The following ETV6 variants were observed in gnomAD, a reference collection of about 807,000 sequenced individuals.
ETV6 encodes the protein transcription factor ETV6.
Under a neutral mutation model 51.1 loss-of-function variants are expected in ETV6, and 16 were observed. The observed-to-expected ratio is 0.31, with a 90% confidence interval of 0.21 to 0.48. ETV6 has a LOEUF of 0.48. Among genes scored for constraint, ETV6 ranks in the 20% least tolerant of loss-of-function variants. The pLI, the probability that ETV6 is intolerant of heterozygous loss-of-function variation, is 0.99. For synonymous variants in ETV6, 240 were observed against 224.1 expected, an observed-to-expected ratio of 1.07 and a Z score of -0.64; for missense variants, 458 against 594.8, an observed-to-expected ratio of 0.77 and a Z score of 2.39.
chr12:11,818,140 G>A (rs1458615939), intron 2 of ETV6, among the ~76,000 whole-genome samples: 1 of 152,216 alleles, frequency 6.6e-6, no homozygotes, highest in African/African-American at 2.4e-5. Flanking sequence ...TGGGGGCCAG[G>A]TGATAAGGAA....
intron 1 of ETV6, among the ~76,000 whole-genome samples, chr12:11,728,355 G>A (rs576652726): frequency 6.6e-5 from 10 of 152,358 alleles, no homozygotes; most frequent in Admixed American, 5.9e-4. Flanking sequence ...TAGGAACTGG[G>A]CCGCACAGCA....
chr12:11,819,257 T>G (rs543132249), intron 2 of ETV6, among the ~76,000 whole-genome samples: 1 of 152,162 alleles, frequency 6.6e-6, no homozygotes, highest in Non-Finnish European at 1.5e-5. Flanking sequence ...AGTCCCCAGA[T>G]GCCGAATCCA....
chr12:11,750,110 G>A (rs866607340), intron 1 of ETV6, among the ~76,000 whole-genome samples: 3 of 152,270 alleles, frequency 2.0e-5, no homozygotes, highest in South Asian at 2.1e-4. Flanking sequence ...CGGGGTTTGC[G>A]GGGGATGGCG....
At chr12:11,788,068 C>G (rs779496453) in intron 2 of ETV6, among the ~76,000 whole-genome samples, 2 of 152,144 alleles carry the variant, frequency 1.3e-5, no homozygotes, top group Non-Finnish European at 2.9e-5. Flanking sequence ...GCCTTTCCCT[C>G]CAACAAAGCA....
intron 3 of ETV6, 78 bp from the exon 4 acceptor site, chr12:11,853,349 A>G: frequency 6.4e-7 from 1 of 1,565,868 alleles, no homozygotes; most frequent in Admixed American, 1.7e-5. Flanking sequence ...CGTGCCAGGC[A>G]CTTAGCTGCT....
At chr12:11,778,080 C>T (rs1945358375) in intron 2 of ETV6, among the ~76,000 whole-genome samples, 1 of 152,156 alleles carries the variant, frequency 6.6e-6, no homozygotes, top group South Asian at 2.1e-4. Context: ...TCAGAGCAAG[C>T]CATGTCAAAT....
chr12:11,759,161 CT>C (rs5796461), intron 2 of ETV6, among the ~76,000 whole-genome samples: 3,212 of 148,850 alleles, frequency 0.022, 106 homozygotes, highest in African/African-American at 0.069. Context: ...TTATAGATGT[CT>C]TTTTTTTTTT....
chr12:11,850,579 A>G (rs1379217493), intron 3 of ETV6, among the ~76,000 whole-genome samples: 1 of 152,146 alleles, frequency 6.6e-6, no homozygotes. Flanking sequence ...TGGTAGTAAA[A>G]TCAATGACTA....
At position 11,893,130 on chromosome 12, in the gene ETV6, A is replaced by G. The variant is rs1256235415; in HGVS notation, c.*2084A>G. The stretch of plus-strand genomic sequence containing the variant: ...CATTCAGTAGGACATGGTGATCCCT[A>G]TTTCAGCCTCTAAGATGACTGGTAT... On this transcript the variant is annotated 3_prime_UTR_variant, in exon 8 of 8. Transcript: ENST00000396373. The G allele has an allele frequency of 4.3e-6, 1 of 232,774 alleles. No homozygotes were observed. The highest frequency in any genetic ancestry group is 8.5e-6 in the Non-Finnish European group (1 of 117,824). 14.4% of individuals were successfully genotyped at this position (232,774 alleles called of 1,614,324 possible).
chr12:11,768,127 C>CT (rs111944987), intron 2 of ETV6, among the ~76,000 whole-genome samples: 4,717 of 146,022 alleles, frequency 0.032, 217 homozygotes, highest in African/African-American at 0.1. Flanking sequence ...TAATTTGATT[C>CT]TTTTTTTTTT....
chr12:11,686,134 A>G (rs931044152), intron 1 of ETV6, among the ~76,000 whole-genome samples: 5 of 152,276 alleles, frequency 3.3e-5, no homozygotes, highest in Non-Finnish European at 7.3e-5. Flanking sequence ...AGGCTTTACC[A>G]GTCAGCTACA....
chr12:11,699,023 T>A (rs1864928776), intron 1 of ETV6, among the ~76,000 whole-genome samples: 1 of 152,224 alleles, frequency 6.6e-6, no homozygotes, highest in South Asian at 2.1e-4. Flanking sequence ...TCTGAAGATC[T>A]CTCCATTAGA....
chr12:11,709,837 C>T (rs1363870757), intron 1 of ETV6, among the ~76,000 whole-genome samples: 1 of 152,230 alleles, frequency 6.6e-6, no homozygotes, highest in African/African-American at 2.4e-5. Context: ...TCTGGGTCTC[C>T]AGCCTGCTGG....
In ETV6 at chr12:11,869,263, C is replaced by A. The variant is rs979701713; in HGVS notation, c.464-161C>A. Among the ~76,000 whole-genome samples, 1 of 151,906 alleles carries A rather than the reference C, an allele frequency of 6.6e-6. No homozygotes were observed. The highest frequency in any genetic ancestry group is 1.5e-5 in the Non-Finnish European group (1 of 67,954). ...ACAGAAAAAAAAAAAAAATATGCAC[C>A]CTTCAAATTGTTAAGCAGTGAAAAA... On this transcript the variant is annotated intron_variant, in intron 4 of 7. Coordinates refer to ENST00000396373, the MANE Select transcript of ETV6 (RefSeq NM_001987.5). The surrounding 1 kb of genome is among the most constrained non-coding windows in gnomAD (Gnocchi z 5.0).
intron 1 of ETV6, among the ~76,000 whole-genome samples, chr12:11,672,460 C>T (rs1283518167): frequency 1.3e-5 from 2 of 152,156 alleles, no homozygotes; most frequent in African/African-American, 4.8e-5. Flanking sequence ...AGGTGATTTA[C>T]GCTCTTGCCA....
At chr12:11,812,820 C>T (rs1026421432) in intron 2 of ETV6, among the ~76,000 whole-genome samples, 7 of 152,302 alleles carry the variant, frequency 4.6e-5, no homozygotes, top group African/African-American at 1.7e-4. Context: ...GTATTGAGTG[C>T]AGTTTGAAAT....
chr12:11,711,442 T>C (rs1280292015), intron 1 of ETV6, among the ~76,000 whole-genome samples: 3 of 152,224 alleles, frequency 2.0e-5, no homozygotes, highest in African/African-American at 7.2e-5. Flanking sequence ...AGTGATCCCA[T>C]TTAAGTGTGG....
intron 1 of ETV6, among the ~76,000 whole-genome samples, chr12:11,738,216 CCT>C (rs1289853394): frequency 9.1e-5 from 13 of 142,310 alleles, no homozygotes; most frequent in African/African-American, 2.8e-4. Flanking sequence ...TTCCTTCCTT[CCT>C]TCCTTCCCTC....
chr12:11,798,658 C>T (rs762480026), intron 2 of ETV6, among the ~76,000 whole-genome samples: 2 of 152,086 alleles, frequency 1.3e-5, no homozygotes, highest in Non-Finnish European at 2.9e-5. Flanking sequence ...CACTCTGTAG[C>T]CATGACATTT....
Sources: allele counts gnomAD v4.1 joint callset (sites outside exome capture counted in the v4.1 genomes callset), GRCh38; gene constraint gnomAD v4.1.1; non-coding constraint Gnocchi (gnomAD v3.1); transcripts MANE v1.5; gene names NCBI Gene and HGNC (gene_info 2026-07-23, HGNC 2026-07-21).